The following DHRS12 variants were observed in gnomAD, a reference collection of about 807,000 sequenced individuals.
DHRS12 encodes dehydrogenase/reductase 12.
DHRS12 carries 29 observed loss-of-function variants against 32.1 expected under a neutral mutation model. The ratio of observed to expected loss-of-function variants is 0.90; its 90% confidence interval spans 0.67 to 1.23. The LOEUF (loss-of-function observed/expected upper bound fraction) is 1.23. DHRS12 is among the 50% of genes most tolerant of loss of function. DHRS12 has a pLI of 0.00. For missense variants in DHRS12, 330 were observed against 337.2 expected, an observed-to-expected ratio of 0.98 and a Z score of 0.17; for synonymous variants, 150 against 135.9, an observed-to-expected ratio of 1.10 and a Z score of -0.72.
chr13:51,783,881 A>T (rs1954833306), intron 4 of DHRS12, among the ~76,000 whole-genome samples: 1 of 152,130 alleles, frequency 6.6e-6, no homozygotes, highest in Non-Finnish European at 1.5e-5. Flanking sequence ...GTGCCAGTTT[A>T]TCTATTCACC....
chr13:51,789,707 G>C, intron 4 of DHRS12: 1 of 985,340 alleles, frequency 1.0e-6, no homozygotes, highest in Non-Finnish European at 1.2e-6. Flanking sequence ...TTTTAGACTT[G>C]CACTCAACAC....
chr13:51,800,078 T>C (rs932150132), intron 1 of DHRS12, among the ~76,000 whole-genome samples: 2 of 152,150 alleles, frequency 1.3e-5, no homozygotes, highest in Non-Finnish European at 2.9e-5. Context: ...CCTTGCCTAC[T>C]TGGAGAAACG....
chr13:51,755,368 G>T, the DHRS12 span: 77 of 1,614,054 alleles, frequency 4.8e-5, no homozygotes, highest in Non-Finnish European at 6.2e-5. Flanking sequence ...ACCCCTGAAT[G>T]GTTGGACAGT....
At chr13:51,781,952 T>C (rs490112) in intron 4 of DHRS12, among the ~76,000 whole-genome samples, 143,779 of 152,184 alleles carry the variant, frequency 0.94, 67,948 homozygotes, top group Admixed American at 0.97. Context: ...TCACAGTGAC[T>C]GCAGTGGCTT....
At chr13:51,770,631 A>T in intron 7 of DHRS12, 1 of 424,344 alleles carries the variant, frequency 2.4e-6, no homozygotes, top group Non-Finnish European at 3.1e-6. Context: ...TTCTGTATTT[A>T]AGACAGGAGA....
Position 51,775,935 on chromosome 13 carries a change from A to ATT in DHRS12, c.363+1124_363+1125insAA, listed in dbSNP as rs1295191722. On this transcript the variant is annotated intron_variant, in intron 5 of 8. Transcript: ENST00000444610. Reference sequence around the variant, plus strand: ...TATTCTACAGTATTCTCCTACATGTACTCTACAGTATTCTCCTACATGTAT... The same window carrying ATT: ...TATTCTACAGTATTCTCCTACATGTATTCTCTACAGTATTCTCCTACATGTAT... 306 of 144,242 alleles carry ATT rather than the reference A, an allele frequency of 2.1e-3. 2 individuals carry two copies. Among genetic ancestry groups the ATT allele is most frequent in the African/African-American group, 4.3e-3 (160 of 37,620 alleles). The allele number at this position is 144,242 out of a possible 1,614,324, so 8.9% of individuals were successfully genotyped here.
chr13:51,804,144 C>G lies in DHRS12; in HGVS notation c.-99G>C. The G allele has an allele frequency of 1.4e-6, 2 of 1,445,888 alleles. No homozygotes were observed. The highest frequency in any genetic ancestry group is 1.8e-6 in the Non-Finnish European group (2 of 1,102,978). The allele number at this position is 1,445,888 out of a possible 1,614,324, so 89.6% of individuals were successfully genotyped here. A position where few individuals can be genotyped will look rare whatever the true frequency, so the allele number is the denominator to read the frequency against. The stretch of plus-strand genomic sequence containing the variant: ...GCCCCACGCCTAGCCCCACCGCGCT[C>G]CCGGCGCGGCCTCCGCCCTGGTCCC... On this transcript the variant is annotated 5_prime_UTR_variant, in exon 1 of 9. Coordinates refer to ENST00000444610, the MANE Select transcript of DHRS12 (RefSeq NM_001377533.1).
At chr13:51,757,546 C>T in the DHRS12 span, among the ~76,000 whole-genome samples, 1 of 151,604 alleles carries the variant, frequency 6.6e-6, no homozygotes, top group East Asian at 1.9e-4. Context: ...CACCCTGCAC[C>T]TTTTCCCGCC....
chr13:51,781,712 A>G (rs563006778), intron 4 of DHRS12, among the ~76,000 whole-genome samples: 1 of 152,294 alleles, frequency 6.6e-6, no homozygotes, highest in African/African-American at 2.4e-5. Context: ...GGAGAGTGCA[A>G]CCAAGGCAGC....
chr13:51,790,096 A>C lies in DHRS12; in HGVS notation c.220-4T>G. 6.4e-7 allele frequency: 1 copy of C among 1,558,554 alleles called. No individual in the cohort carries two copies. Among genetic ancestry groups the C allele is most frequent in the Non-Finnish European group, 8.7e-7 (1 of 1,152,992 alleles). On this transcript the variant is annotated splice_region_variant and splice_polypyrimidine_tract_variant and intron_variant, in intron 3 of 8. Transcript: ENST00000444610. ...CCATGCAACCTGCATTATTGATCTA[A>C]AATTTATAGTTCTCATTTCAAAATA...
Position 51,773,104 on chromosome 13 carries a change from G to A in DHRS12, c.468+826C>T, listed in dbSNP as rs115401820. ...ATATATCCGGCTTTTAAATATAGCTGTAATAAGCAGAGATACAGCAGTACA... is the reference window on the plus strand; with the variant it reads ...ATATATCCGGCTTTTAAATATAGCTATAATAAGCAGAGATACAGCAGTACA... On this transcript the variant is annotated intron_variant, in intron 6 of 8. Coordinates refer to ENST00000444610, the MANE Select transcript of DHRS12 (RefSeq NM_001377533.1). 1,947 of 968,080 alleles carry A rather than the reference G, an allele frequency of 2.0e-3. 23 individuals carry two copies. In the African/African-American group the frequency reaches 0.031, roughly 16 times the overall value. 60.0% of individuals were successfully genotyped at this position (968,080 alleles called of 1,614,324 possible). A position where few individuals can be genotyped will look rare whatever the true frequency, so the allele number is the denominator to read the frequency against.
chr13:51,768,635 G>T, intron 8 of DHRS12: 1 of 1,145,978 alleles, frequency 8.7e-7, no homozygotes, highest in Non-Finnish European at 1.1e-6. Flanking sequence ...AAGAACAGAG[G>T]AAAGAGAAGC....
Position 51,799,621 on chromosome 13 carries a change from C to T in DHRS12, c.39G>A (p.Trp13Ter). 2 of 1,614,186 alleles carry T rather than the reference C, an allele frequency of 1.2e-6. No individual in the cohort carries two copies. The highest frequency in any genetic ancestry group is 1.7e-6 in the Non-Finnish European group (2 of 1,180,036). ...LHVKTLSLMT[W>*]RSRFLEESFW... ...AAGACTCTTCCAGGAATCTGGACCT[C>T]CAAGTCATGAGGGACAAAGTCTTTA... The change falls in exon 2 of 9, where the codon TGG becomes TGA. Residue 13 changes from tryptophan to a stop codon, truncating the protein, a stop_gained. Coordinates refer to ENST00000444610, the MANE Select transcript of DHRS12 (RefSeq NM_001377533.1). LOFTEE classifies it high-confidence loss of function.
chr13:51,767,886 T>TTAAAAAA, downstream of DHRS12: 1 of 707,704 alleles, frequency 1.4e-6, no homozygotes, highest in Non-Finnish European at 1.8e-6. Flanking sequence ...CCCCCACCCC[T>TTAAAAAA]GCGTCCCCTA....
chr13:51,792,910 G>A (rs527616547), intron 2 of DHRS12, among the ~76,000 whole-genome samples: 1 of 152,150 alleles, frequency 6.6e-6, no homozygotes, highest in East Asian at 1.9e-4. Context: ...GATATGTCAG[G>A]GTTTCCTGCT....
chr13:51,773,998 G>C lies in DHRS12; in HGVS notation c.400C>G (p.Leu134Val). 1 of 1,613,968 alleles carries C rather than the reference G, an allele frequency of 6.2e-7. No individual in the cohort carries two copies. Among genetic ancestry groups the C allele is most frequent in the South Asian group, 1.1e-5 (1 of 91,080 alleles). ...VSSGGMLVQKLNTNDLQSERT... is the reference protein window; with the variant it reads ...VSSGGMLVQKVNTNDLQSERT... ...TCGGACTGGAGATCATTGGTGTTCA[G>C]TTTCTGAACCAACATTCCTCCTGAG... Residue 134 changes from leucine (L) to valine (V), a missense_variant, in exon 6 of 9, where the codon CTG (leucine) becomes GTG (valine). Leu to Val is a conservative substitution (Grantham distance 32). Transcript: ENST00000444610.
At chr13:51,756,499 G>A in the DHRS12 span, 1 of 1,595,398 alleles carries the variant, frequency 6.3e-7, no homozygotes, top group Non-Finnish European at 8.5e-7. Flanking sequence ...TTCAGGTTAA[G>A]GCGAGAATTT....
At chr13:51,767,950 GAATA>G (rs1953824340), downstream of DHRS12, 1 of 1,311,566 alleles carries the variant, frequency 7.6e-7, no homozygotes, top group Non-Finnish European at 9.8e-7. Flanking sequence ...AACCATTCTC[GAATA>G]AATGAGACTT....
At chr13:51,770,368 C>T (rs1443423583) in intron 7 of DHRS12, among the ~76,000 whole-genome samples, 1 of 152,166 alleles carries the variant, frequency 6.6e-6, no homozygotes, top group Admixed American at 6.5e-5. Context: ...GTAAACTGCA[C>T]CTTGACCCAG....
Sources: gnomAD v4.1 joint callset for allele counts (sites outside exome capture counted in the v4.1 genomes callset) on GRCh38, gnomAD v4.1.1 for gene constraint, MANE v1.5 for transcripts, NCBI Gene and HGNC (gene_info 2026-07-23, HGNC 2026-07-21) for gene names.